COL24A1: variants seen among roughly 807,000 people sequenced by gnomAD.
The protein encoded by COL24A1 is collagen type XXIV alpha 1 chain.
In COL24A1, 224 loss-of-function variants were observed where a neutral mutation model predicts 253.9. The observed-to-expected ratio is 0.88, with a 90% CI of 0.79 to 0.99. The LOEUF (loss-of-function observed/expected upper bound fraction) is 0.99. Ranked by LOEUF, COL24A1 falls within the 50% of genes least tolerant of loss-of-function variation. The pLI is 0.00. For synonymous variants in COL24A1, 685 were observed against 673.7 expected, an observed-to-expected ratio of 1.02 and a Z score of -0.26; for missense variants, 2,131 against 2,068.5, an observed-to-expected ratio of 1.03 and a Z score of -0.59.
intron 33 of COL24A1, among the ~76,000 whole-genome samples, chr1:85,875,701 A>G (rs1681070445): frequency 6.7e-6 from 1 of 148,932 alleles, no homozygotes; most frequent in African/African-American, 2.5e-5. Context: ...AGATAAATTT[A>G]TTCACATTAT....
intron 24 of COL24A1, among the ~76,000 whole-genome samples, chr1:85,922,682 G>A (rs1362250732): frequency 6.6e-6 from 1 of 152,162 alleles, no homozygotes; most frequent in Admixed American, 6.6e-5. Flanking sequence ...AACATGGAAA[G>A]GAATAACTGG....
In COL24A1 at chr1:85,948,506, A is replaced by T. The variant is rs548426021; in HGVS notation, c.2562+12743T>A. ...GCCACTGCACTCCAGCCTGGGCGAC[A>T]GAGCGAGACTCCGTCTCAAAAAAAA... On this transcript the variant is annotated intron_variant, in intron 24 of 59. Transcript: ENST00000370571. 4.3e-5 allele frequency among the ~76,000 whole-genome samples: 6 copies of T among 137,958 alleles called. No individual in the cohort carries two copies. In the South Asian group the frequency reaches 1.5e-3, roughly 34 times the overall value. The allele number at this position is 137,958 out of a possible 152,430, so 90.5% of individuals were successfully genotyped here. A position where few individuals can be genotyped will look rare whatever the true frequency, so the allele number is the denominator to read the frequency against.
chr1:85,743,967 A>C (rs528287868), intron 57 of COL24A1, among the ~76,000 whole-genome samples: 2 of 152,226 alleles, frequency 1.3e-5, no homozygotes, highest in Non-Finnish European at 2.9e-5. Context: ...ACCACAGAAT[A>C]ACATAACATA....
chr1:85,894,850 G>C (rs894433386), intron 31 of COL24A1, among the ~76,000 whole-genome samples: 1 of 152,092 alleles, frequency 6.6e-6, no homozygotes, highest in Non-Finnish European at 1.5e-5. Context: ...GGGAAACAGC[G>C]GGCAGGGGGC....
chr1:85,817,907 TAA>T, intron 46 of COL24A1, 125 bp downstream of exon 46: 1 of 787,236 alleles, frequency 1.3e-6, no homozygotes, highest in Non-Finnish European at 2.1e-6. Context: ...AGCATGGGTT[TAA>T]TTTTTTTAAA....
chr1:85,742,186 G>A (rs1282734070), intron 57 of COL24A1, among the ~76,000 whole-genome samples: 1 of 146,292 alleles, frequency 6.8e-6, no homozygotes, highest in African/African-American at 2.5e-5. Flanking sequence ...AGGCTGGAGT[G>A]TGGCGGTGTG....
chr1:85,817,045 A>T (rs1256331920), intron 46 of COL24A1, 150 bp from the exon 47 acceptor site: 16 of 613,172 alleles, frequency 2.6e-5, no homozygotes, highest in Non-Finnish European at 4.5e-5. Context: ...TTAATGATTT[A>T]CTATTTGGAT....
intron 7 of COL24A1, among the ~76,000 whole-genome samples, chr1:86,081,048 T>A (rs1702597470): frequency 6.6e-6 from 1 of 152,028 alleles, no homozygotes; most frequent in East Asian, 1.9e-4. Flanking sequence ...CACGGGGAAA[T>A]AAAAAAATTA....
At chr1:85,922,012 G>A (rs144365349) in intron 24 of COL24A1, among the ~76,000 whole-genome samples, 9 of 152,274 alleles carry the variant, frequency 5.9e-5, no homozygotes, top group African/African-American at 9.6e-5. Flanking sequence ...TGAGAACTAC[G>A]TGACGCATGC....
intron 19 of COL24A1, among the ~76,000 whole-genome samples, chr1:86,009,365 CATTTTGTCAGGCA>C (rs11267143): frequency 0.18 from 27,519 of 151,922 alleles, 3,159 homozygotes; most frequent in African/African-American, 0.32. Context: ...TTCTGAGAAA[CATTTTGTCAGGCA>C]ATTTTGTCAT....
At chr1:85,768,353 T>C (rs1667587287) in intron 53 of COL24A1, among the ~76,000 whole-genome samples, 1 of 152,106 alleles carries the variant, frequency 6.6e-6, no homozygotes, top group South Asian at 2.1e-4. Context: ...AATGATATAA[T>C]TTGATTTATT....
chr1:85,841,958 T>C, intron 41 of COL24A1, 110 bp downstream of exon 41: 1 of 909,272 alleles, frequency 1.1e-6, no homozygotes, highest in Non-Finnish European at 1.7e-6. Flanking sequence ...AATTTTCAAC[T>C]TTAAAAGTGC....
chr1:85,986,299 C>T (rs1279778590), intron 20 of COL24A1, among the ~76,000 whole-genome samples: 4 of 151,884 alleles, frequency 2.6e-5, no homozygotes, highest in African/African-American at 9.6e-5. Flanking sequence ...AATGAATGTC[C>T]TGTTTCCAAT....
chr1:85,778,023 CTCTATCTATCTATCTA>C (rs71075864), intron 52 of COL24A1, among the ~76,000 whole-genome samples: 2,982 of 149,246 alleles, frequency 0.02, 88 homozygotes, highest in African/African-American at 0.069. Flanking sequence ...ATGTCTCTAT[CTCTATCTATCTATCTA>C]TCTATCTATC....
At chr1:86,140,130 A>T (rs1323664376) in intron 2 of COL24A1, among the ~76,000 whole-genome samples, 1 of 152,226 alleles carries the variant, frequency 6.6e-6, no homozygotes, top group African/African-American at 2.4e-5. Flanking sequence ...TAAGCACTTT[A>T]CATGTGTTAT....
At chr1:85,744,100 C>T (rs1301774536) in intron 57 of COL24A1, among the ~76,000 whole-genome samples, 3 of 151,942 alleles carry the variant, frequency 2.0e-5, no homozygotes, top group Non-Finnish European at 4.4e-5. Context: ...TAACTGATGA[C>T]TTACTCCTCT....
chr1:85,889,701 T>C, intron 31 of COL24A1, 88 bp from the exon 32 acceptor site: 1 of 1,103,806 alleles, frequency 9.1e-7, no homozygotes, highest in Non-Finnish European at 1.4e-6. Flanking sequence ...CTATGGATCC[T>C]TCCACCCAAC....
intron 19 of COL24A1, among the ~76,000 whole-genome samples, chr1:86,011,716 G>A (rs889527278): frequency 6.6e-6 from 1 of 152,174 alleles, no homozygotes; most frequent in African/African-American, 2.4e-5. Context: ...CTTTGCTGCA[G>A]TAAATAGTAG....
Position 85,816,985 on chromosome 1 carries a change from T to C in COL24A1, c.3844-90A>G, listed in dbSNP as rs577420002. 2.4e-5 allele frequency: 23 copies of C among 962,658 alleles called. No individual in the cohort carries two copies. In the East Asian group the frequency reaches 5.7e-4, roughly 24 times the overall value. The allele number at this position is 962,658 out of a possible 1,614,324, so 59.6% of individuals were successfully genotyped here. On this transcript the variant is annotated intron_variant, in intron 46 of 59. Coordinates refer to ENST00000370571, the MANE Select transcript of COL24A1 (RefSeq NM_152890.7). ...TTTTATTTATTGAGCTGGAGAAGTTTACATTTTTATATTTTGTTCTAGGAC... is the reference window on the plus strand; with the variant it reads ...TTTTATTTATTGAGCTGGAGAAGTTCACATTTTTATATTTTGTTCTAGGAC...
Sources: gnomAD v4.1 joint callset for allele counts (sites outside exome capture counted in the v4.1 genomes callset) on GRCh38, gnomAD v4.1.1 for gene constraint, MANE v1.5 for transcripts, NCBI Gene and HGNC (gene_info 2026-07-23, HGNC 2026-07-21) for gene names.